PIK3C2G: variants seen among roughly 807,000 people sequenced by gnomAD.
PIK3C2G encodes the protein phosphatidylinositol 3-kinase C2 domain-containing subunit gamma.
A neutral mutation model predicts 181.1 loss-of-function variants in PIK3C2G; 168 were observed. The observed-to-expected ratio is 0.93, with a 90% confidence interval of 0.82 to 1.05. PIK3C2G has a LOEUF of 1.05. Ranked by LOEUF, PIK3C2G falls within the 50% of genes least tolerant of loss-of-function variation. PIK3C2G has a pLI of 0.00. For synonymous variants in PIK3C2G, 573 were observed against 592.2 expected, an observed-to-expected ratio of 0.97 and a Z score of 0.47; for missense variants, 1,869 against 1,732.8, an observed-to-expected ratio of 1.08 and a Z score of -1.40.
At chr12:18,417,954 C>T (rs1275826543) in intron 16 of PIK3C2G, among the ~76,000 whole-genome samples, 1 of 152,014 alleles carries the variant, frequency 6.6e-6, no homozygotes. Context: ...AAAATTAAAC[C>T]TATTGCAACC....
chr12:18,650,556 A>G (rs1268919097), downstream of PIK3C2G, among the ~76,000 whole-genome samples: 1 of 149,952 alleles, frequency 6.7e-6, no homozygotes, highest in Non-Finnish European at 1.5e-5. Flanking sequence ...TAAACACATG[A>G]AAGTCTATAC....
the PIK3C2G span, among the ~76,000 whole-genome samples, chr12:18,664,166 T>C: frequency 1.3e-5 from 2 of 152,188 alleles, no homozygotes; most frequent in African/African-American, 2.4e-5. Flanking sequence ...GCTTATGTAC[T>C]GTTGGTAGGA....
intron 6 of PIK3C2G, among the ~76,000 whole-genome samples, chr12:18,315,109 T>C (rs1407406431): frequency 6.6e-6 from 1 of 152,214 alleles, no homozygotes; most frequent in Non-Finnish European, 1.5e-5. Flanking sequence ...GTCATTTATA[T>C]TAAGTAACAG....
At chr12:18,505,929 A>C (rs1382167193) in intron 24 of PIK3C2G, among the ~76,000 whole-genome samples, 1 of 152,238 alleles carries the variant, frequency 6.6e-6, no homozygotes, top group Admixed American at 6.5e-5. Flanking sequence ...ATATAACAGT[A>C]AACAAGACAG....
intron 24 of PIK3C2G, among the ~76,000 whole-genome samples, chr12:18,522,142 T>G (rs1005443289): frequency 5.9e-5 from 9 of 152,236 alleles, no homozygotes; most frequent in African/African-American, 2.2e-4. Flanking sequence ...CTGTTATGGT[T>G]CTTTTCAATG....
At chr12:18,324,170 G>T (rs1428508760) in intron 7 of PIK3C2G, among the ~76,000 whole-genome samples, 2 of 151,458 alleles carry the variant, frequency 1.3e-5, no homozygotes, top group Non-Finnish European at 2.9e-5. Context: ...GCAGTGAGCG[G>T]AGATCGCGCC....
intron 30 of PIK3C2G, among the ~76,000 whole-genome samples, chr12:18,605,824 T>G (rs1316674852): frequency 6.6e-6 from 1 of 152,122 alleles, no homozygotes. Flanking sequence ...CTTGACTCTC[T>G]ACAGCATGGT....
rs1592387426 is a variant in PIK3C2G, at chr12:18,488,727, C to T, written c.2685+98C>T. On this transcript the variant is annotated intron_variant, in intron 19 of 32. Transcript: ENST00000538779. ...TTGCAAAGCAAATTCCTTGATTACA[C>T]TTAAATAGAAGATACTTAAATCAAT... The T allele has an allele frequency of 1.0e-5, 7 of 697,466 alleles. No individual in the cohort carries two copies. The East Asian group carries it at 1.7e-4, about 17-fold the overall frequency. 43.2% of individuals were successfully genotyped at this position (697,466 alleles called of 1,614,324 possible).
At chr12:18,401,417 T>C (rs1040919451) in intron 16 of PIK3C2G, among the ~76,000 whole-genome samples, 1 of 152,150 alleles carries the variant, frequency 6.6e-6, no homozygotes, top group Non-Finnish European at 1.5e-5. Context: ...AACATGATCC[T>C]ACCCCTTTTT....
At chr12:18,616,236 T>C (rs2136638724) in intron 31 of PIK3C2G, among the ~76,000 whole-genome samples, 1 of 152,200 alleles carries the variant, frequency 6.6e-6, no homozygotes, top group East Asian at 1.9e-4. Flanking sequence ...TATCCTGCAG[T>C]TTCAATTGTA....
the PIK3C2G span, among the ~76,000 whole-genome samples, chr12:18,653,553 C>A: frequency 6.6e-6 from 1 of 152,086 alleles, no homozygotes; most frequent in African/African-American, 2.4e-5. Context: ...CTGACTGTTA[C>A]CTAAACTTCA....
At chr12:18,318,385 T>A (rs1367172412) in intron 6 of PIK3C2G, among the ~76,000 whole-genome samples, 1 of 152,180 alleles carries the variant, frequency 6.6e-6, no homozygotes, top group African/African-American at 2.4e-5. Flanking sequence ...ATCTTCATTA[T>A]CTGAATTGCC....
At chr12:18,633,094 T>C (rs1403392322) in intron 31 of PIK3C2G, among the ~76,000 whole-genome samples, 1 of 152,180 alleles carries the variant, frequency 6.6e-6, no homozygotes, top group Non-Finnish European at 1.5e-5. Context: ...CTGTGCTCCA[T>C]ACAACCAAAA....
chr12:18,570,796 T>C (rs977423165), intron 29 of PIK3C2G, among the ~76,000 whole-genome samples: 1 of 150,590 alleles, frequency 6.6e-6, no homozygotes, highest in African/African-American at 2.5e-5. Context: ...CATAGAGAGA[T>C]GGTCACCAGG....
the PIK3C2G span, chr12:18,699,719 T>C: frequency 2.8e-5 from 39 of 1,385,142 alleles, no homozygotes; most frequent in Non-Finnish European, 4.0e-5. Flanking sequence ...ATAAATATCA[T>C]TGAGCAATCT....
chr12:18,673,824 G>T, the PIK3C2G span, among the ~76,000 whole-genome samples: 4 of 152,282 alleles, frequency 2.6e-5, no homozygotes, highest in African/African-American at 9.6e-5. Flanking sequence ...CAGGGCCTCA[G>T]TTGCTCACTG....
chr12:18,637,936 C>A (rs1327954195), intron 31 of PIK3C2G, among the ~76,000 whole-genome samples: 2 of 152,208 alleles, frequency 1.3e-5, no homozygotes, highest in Non-Finnish European at 2.9e-5. Context: ...CAAGCTTCAA[C>A]ATTAAATGAA....
intron 31 of PIK3C2G, among the ~76,000 whole-genome samples, chr12:18,613,802 T>C (rs369572087): frequency 1.1e-4 from 16 of 152,090 alleles, no homozygotes; most frequent in African/African-American, 3.9e-4. Context: ...AGTACCCTAA[T>C]GTCCCAAATG....
intron 3 of PIK3C2G, among the ~76,000 whole-genome samples, chr12:18,288,311 A>C (rs569591202): frequency 6.6e-6 from 1 of 152,220 alleles, no homozygotes; most frequent in South Asian, 2.1e-4. Context: ...AAATGTTTGA[A>C]TCATTTATTT....
Sources: gnomAD v4.1 joint callset for allele counts (sites outside exome capture counted in the v4.1 genomes callset) on GRCh38, gnomAD v4.1.1 for gene constraint, MANE v1.5 for transcripts, NCBI Gene and HGNC (gene_info 2026-07-23, HGNC 2026-07-21) for gene names.